IQGAP1: variants seen among roughly 807,000 people sequenced by gnomAD.
The protein encoded by IQGAP1 is ras GTPase-activating-like protein IQGAP1.
Under a neutral mutation model 215.6 loss-of-function variants are expected in IQGAP1, and 66 were observed. The ratio of observed to expected loss-of-function variants is 0.31; its 90% CI spans 0.25 to 0.38. The LOEUF is 0.38. Among genes scored for constraint, IQGAP1 ranks in the 10% least tolerant of loss-of-function variants. The pLI is 1.00. For missense variants in IQGAP1, 1,712 were observed against 1,997.1 expected (o/e 0.86, Z 2.72); for synonymous variants, 772 against 728.7 (o/e 1.06, Z -0.96).
intron 17 of IQGAP1, among the ~76,000 whole-genome samples, 178 bp from the exon 18 acceptor site, chr15:90,467,272 A>G (rs1360639397): frequency 6.6e-6 from 1 of 152,216 alleles, no homozygotes; most frequent in Non-Finnish European, 1.5e-5. Flanking sequence ...ATTAGTCATT[A>G]CAAAGCCATA....
rs1966124552 is a variant in IQGAP1 at position 90,486,206 on chromosome 15, A to AT, written c.4024+80dup. The AT allele has an allele frequency of 9.2e-6, 9 of 974,140 alleles. No individual in the cohort carries two copies. The South Asian group carries it at 9.8e-5, about 11-fold the overall frequency. 60.3% of individuals were successfully genotyped at this position (974,140 alleles called of 1,614,324 possible). A position where few individuals can be genotyped will look rare whatever the true frequency, so the allele number is the denominator to read the frequency against. On this transcript the variant is annotated intron_variant, in intron 31 of 37. Coordinates refer to ENST00000268182, the MANE Select transcript of IQGAP1 (RefSeq NM_003870.4). ...AAGTGTTGTAATTGTCACCTCCTCT[A>AT]TTTTTTGCACTATACCAAACTCTGG...
intron 2 of IQGAP1, among the ~76,000 whole-genome samples, chr15:90,415,827 G>A (rs1014115714): frequency 1.3e-5 from 2 of 152,134 alleles, no homozygotes; most frequent in Admixed American, 6.5e-5. Flanking sequence ...TGTCGTCCAT[G>A]CTGCTGTCCA....
chr15:90,501,024 G>A lies in IQGAP1; in HGVS notation c.*916G>A, dbSNP rs919053847. On this transcript the variant is annotated 3_prime_UTR_variant, in exon 38 of 38. Coordinates refer to ENST00000268182, the MANE Select transcript of IQGAP1 (RefSeq NM_003870.4). ...TAGATGTATGTCTTAAAATGTGGGT[G>A]ATAGGAATTTTAAAGATTTATATAA... The A allele has an allele frequency of 6.6e-5, 10 of 152,602 alleles. No homozygotes were observed. The highest frequency in any genetic ancestry group is 1.3e-4 in the Admixed American group (2 of 15,268). 9.5% of individuals were successfully genotyped at this position (152,602 alleles called of 1,614,324 possible).
chr15:90,452,688 G>A (rs1342824089), intron 11 of IQGAP1, 87 bp from the exon 12 acceptor site: 2 of 1,425,068 alleles, frequency 1.4e-6, no homozygotes, highest in African/African-American at 1.4e-5. Flanking sequence ...GCCACAGAAT[G>A]TGATATTTTT....
intron 18 of IQGAP1, among the ~76,000 whole-genome samples, chr15:90,472,132 G>A (rs1382695526): frequency 6.6e-6 from 1 of 152,110 alleles, no homozygotes; most frequent in Non-Finnish European, 1.5e-5. Flanking sequence ...ATTAAAATTA[G>A]CCAGGTATGG....
intron 5 of IQGAP1, among the ~76,000 whole-genome samples, chr15:90,434,855 A>T (rs1965349391): frequency 6.6e-6 from 1 of 152,132 alleles, no homozygotes; most frequent in African/African-American, 2.4e-5. Flanking sequence ...TGGTATACTC[A>T]ACCTGTGGTA....
At chr15:90,390,999 C>T (rs1964627830) in intron 2 of IQGAP1, 126 bp downstream of exon 2, 3 of 636,932 alleles carry the variant, frequency 4.7e-6, no homozygotes, top group African/African-American at 1.8e-5. Flanking sequence ...GTTGGGAGGC[C>T]GAGGTGGGGG....
chr15:90,444,512 G>C (rs1051836868), intron 9 of IQGAP1, among the ~76,000 whole-genome samples: 17 of 152,074 alleles, frequency 1.1e-4, no homozygotes, highest in African/African-American at 3.9e-4. Flanking sequence ...TCAAACTCCT[G>C]ATCTCAAGTG....
In IQGAP1 at chr15:90,456,136, GTC is replaced by G. The variant is rs1965676683; in HGVS notation, c.1613-12_1613-11del. The G allele has an allele frequency of 8.7e-6, 14 of 1,600,288 alleles. No individual in the cohort carries two copies. The highest frequency in any genetic ancestry group is 1.1e-5 in the Non-Finnish European group (13 of 1,174,478). ...CTTAATTAGAAAAAAAAAACTTTCT[GTC>G]TCTTTATATTTAGGGATTTTAGCCA... On this transcript the variant is annotated splice_polypyrimidine_tract_variant and intron_variant, in intron 14 of 37. Transcript: ENST00000268182.
chr15:90,388,308 C>T lies in IQGAP1; in HGVS notation c.-34C>T. Reference sequence around the variant, plus strand: ...CGCCGTCCGCGCCTCCAAGGTTTCACGGCTTCCTCAGCAGAGACTCGGGCT... The same window carrying T: ...CGCCGTCCGCGCCTCCAAGGTTTCATGGCTTCCTCAGCAGAGACTCGGGCT... On this transcript the variant is annotated 5_prime_UTR_variant, in exon 1 of 38. The change creates a new upstream start codon in the 5' untranslated region. Coordinates refer to ENST00000268182, the MANE Select transcript of IQGAP1 (RefSeq NM_003870.4). 1.3e-6 allele frequency: 2 copies of T among 1,597,416 alleles called. No homozygotes were observed. Among genetic ancestry groups the T allele is most frequent in the Non-Finnish European group, 1.7e-6 (2 of 1,173,380 alleles).
At chr15:90,451,068 A>G (rs1189595429) in intron 11 of IQGAP1, among the ~76,000 whole-genome samples, 2 of 151,984 alleles carry the variant, frequency 1.3e-5, no homozygotes, top group African/African-American at 4.8e-5. Context: ...CATTTCCCCA[A>G]TGTTTTCTTC....
At chr15:90,498,598 T>G (rs1041810190) in intron 37 of IQGAP1, among the ~76,000 whole-genome samples, 2 of 152,098 alleles carry the variant, frequency 1.3e-5, no homozygotes, top group African/African-American at 4.8e-5. Flanking sequence ...CCAGCAGCCC[T>G]CATGGAGCTG....
chr15:90,470,249 A>G (rs958898246), intron 18 of IQGAP1, among the ~76,000 whole-genome samples: 1 of 151,890 alleles, frequency 6.6e-6, no homozygotes, highest in Non-Finnish European at 1.5e-5. Flanking sequence ...TTCCTTCTTC[A>G]TTTTCTCTCT....
At chr15:90,486,370 C>A (rs1391273921) in intron 31 of IQGAP1, 3 of 340,784 alleles carry the variant, frequency 8.8e-6, no homozygotes, top group Admixed American at 4.6e-5. Flanking sequence ...AACGCAGATA[C>A]ATACTGCCAG....
rs1192631399 is a variant in IQGAP1, at chr15:90,460,759, G to A, written c.1776+4444G>A. 2.0e-5 allele frequency among the ~76,000 whole-genome samples: 3 copies of A among 152,122 alleles called. 1 individual carries two copies. Among genetic ancestry groups the A allele is most frequent in the African/African-American group, 7.2e-5 (3 of 41,398 alleles). On this transcript the variant is annotated intron_variant, in intron 15 of 37. Transcript: ENST00000268182. Reference sequence around the variant, plus strand: ...CATGCTTGTAATCCCAGCACGTTGGGATGCCAAGGCGGGTGGATAGTTTGA... The same window carrying A: ...CATGCTTGTAATCCCAGCACGTTGGAATGCCAAGGCGGGTGGATAGTTTGA...
At chr15:90,449,932 A>T (rs1257041168) in intron 11 of IQGAP1, among the ~76,000 whole-genome samples, 1 of 152,268 alleles carries the variant, frequency 6.6e-6, no homozygotes, top group Non-Finnish European at 1.5e-5. Flanking sequence ...TGATACATGC[A>T]TACAATGTAT....
intron 35 of IQGAP1, among the ~76,000 whole-genome samples, chr15:90,493,367 G>C (rs574180643): frequency 6.6e-6 from 1 of 152,152 alleles, no homozygotes; most frequent in South Asian, 2.1e-4. Context: ...ACTTCCTGGG[G>C]ACAAGATCAC....
chr15:90,491,709 C>T, intron 34 of IQGAP1, 164 bp downstream of exon 34: 1 of 616,268 alleles, frequency 1.6e-6, no homozygotes, highest in Non-Finnish European at 2.8e-6. Context: ...CCTTGCCCGA[C>T]CTGAGGTGGC....
chr15:90,436,611 A>G (rs899174573), intron 5 of IQGAP1, among the ~76,000 whole-genome samples: 5 of 152,360 alleles, frequency 3.3e-5, no homozygotes, highest in Admixed American at 2.6e-4. Flanking sequence ...AAATAAGAAA[A>G]ATAAATCTAA....
Sources: gnomAD v4.1 joint callset for allele counts (sites outside exome capture counted in the v4.1 genomes callset) on GRCh38, gnomAD v4.1.1 for gene constraint, MANE v1.5 for transcripts, NCBI Gene and HGNC (gene_info 2026-07-23, HGNC 2026-07-21) for gene names.